ABCA3: variants seen among roughly 807,000 people sequenced by gnomAD.
ABCA3 encodes ATP binding cassette subfamily A member 3, also known as phospholipid-transporting ATPase ABCA3.
ABCA3 carries 88 observed loss-of-function variants against 172.8 expected under a neutral mutation model. The observed-to-expected ratio is 0.51, with a 90% CI of 0.43 to 0.61. The LOEUF (loss-of-function observed/expected upper bound fraction) is 0.61, where lower values mean the gene tolerates loss of function less well. Among genes scored for constraint, ABCA3 ranks in the 20% least tolerant of loss-of-function variants. The probability of loss-of-function intolerance (pLI) is 0.00; values close to 1 mark genes in which losing one functional copy is unlikely to be tolerated. For synonymous variants in ABCA3, 1,066 were observed against 983.8 expected, an observed-to-expected ratio of 1.08 and a Z score of -1.56; for missense variants, 2,164 against 2,301.0, an observed-to-expected ratio of 0.94 and a Z score of 1.22.
rs1356016910 is a variant in ABCA3 at position 2,327,877 on chromosome 16, C to T, written c.-27+576G>A. On this transcript the variant is annotated intron_variant, in intron 3 of 32. Transcript: ENST00000301732. ...CTGGGATTACAGGCGCCTGCCACCACGCCTGACTCATTTTTATATTTTTAG... is the reference window on the plus strand; with the variant it reads ...CTGGGATTACAGGCGCCTGCCACCATGCCTGACTCATTTTTATATTTTTAG... Among the ~76,000 whole-genome samples the T allele has an allele frequency of 5.3e-5, 8 of 152,108 alleles. No homozygotes were observed. The South Asian group carries it at 8.3e-4, about 16-fold the overall frequency.
At chr16:2,313,486 G>T (rs2093709749) in intron 10 of ABCA3, among the ~76,000 whole-genome samples, 1 of 143,492 alleles carries the variant, frequency 7.0e-6, no homozygotes, top group Non-Finnish European at 1.5e-5. Context: ...CCAGGCAGCA[G>T]AGTTTGCAGT....
intron 10 of ABCA3, among the ~76,000 whole-genome samples, chr16:2,312,224 A>C (rs890486187): frequency 3.9e-5 from 6 of 152,172 alleles, no homozygotes; most frequent in Non-Finnish European, 7.3e-5. Flanking sequence ...GTTTTCCTTA[A>C]AAAGACAGGC....
At position 2,283,194 on chromosome 16, in the gene ABCA3, G is replaced by A. The variant is rs375124752; in HGVS notation, c.4027C>T (p.Arg1343Trp). The change falls in exon 26 of 33, where the codon CGG (arginine) becomes TGG (tryptophan). Residue 1343 changes from arginine (R) to tryptophan (W), a missense_variant. Physicochemically the swap from Arg to Trp is moderately radical, Grantham distance 101 (BLOSUM62 -3). Coordinates refer to ENST00000301732, the MANE Select transcript of ABCA3 (RefSeq NM_001089.3). This position sits in a 1 kb window ranked among gnomAD's most constrained non-coding sequence, Gnocchi z 5.4. The stretch of plus-strand genomic sequence containing the variant: ...CTCCCGGAGCCACTCACCAGTGTCC[G>A]CCTCCTCCGGAGGGCGCAGAGGATG... The part of the protein sequence containing the change: ...RGILCALRRR[R>W]TLTELYTRMP... The A allele has an allele frequency of 3.3e-5, 53 of 1,612,828 alleles. No homozygotes were observed. The highest frequency in any genetic ancestry group is 1.7e-4 in the Middle Eastern group (1 of 6,054).
intron 7 of ABCA3, among the ~76,000 whole-genome samples, chr16:2,321,883 T>C (rs888682917): frequency 1.3e-5 from 2 of 152,054 alleles, no homozygotes; most frequent in Admixed American, 6.6e-5. Context: ...CCAAGCCCCA[T>C]GAACTCAAAC....
intron 11 of ABCA3, among the ~76,000 whole-genome samples, chr16:2,307,436 T>G (rs960270194): frequency 3.3e-5 from 5 of 151,904 alleles, no homozygotes; most frequent in Admixed American, 2.6e-4. Flanking sequence ...ATGCCTGTGA[T>G]CCCAGGTACT....
At chr16:2,316,490 C>CA (rs71148128) in intron 10 of ABCA3, among the ~76,000 whole-genome samples, 717 of 28,810 alleles carry the variant, frequency 0.025, 230 homozygotes, top group Non-Finnish European at 0.037. Flanking sequence ...ACTAAAAATG[C>CA]AAAAAAAAAA....
intron 18 of ABCA3, among the ~76,000 whole-genome samples, chr16:2,293,537 A>C: frequency 6.9e-6 from 1 of 145,258 alleles, no homozygotes; most frequent in Admixed American, 6.8e-5. Context: ...ACACGTGGCT[A>C]AGTTTTTTTT....
chr16:2,334,661 T>C (rs369559471), intron 1 of ABCA3, among the ~76,000 whole-genome samples: 116 of 151,064 alleles, frequency 7.7e-4, no homozygotes, highest in African/African-American at 2.7e-3. Flanking sequence ...GGAGTACAGA[T>C]GCCCGCCACC....
chr16:2,305,587 G>A (rs537499708), intron 11 of ABCA3, among the ~76,000 whole-genome samples: 29 of 152,120 alleles, frequency 1.9e-4, no homozygotes, highest in African/African-American at 6.5e-4. Flanking sequence ...GAGCCACCGC[G>A]CCCCGCCAAT....
chr16:2,329,357 C>T (rs533649936), intron 2 of ABCA3, among the ~76,000 whole-genome samples: 10 of 152,240 alleles, frequency 6.6e-5, no homozygotes, highest in East Asian at 1.9e-4. Context: ...AAGAAGAGGC[C>T]GGTGCCTCCA....
In ABCA3 at chr16:2,323,965, C is replaced by T. The variant is rs151098593; in HGVS notation, c.448-277G>A. On this transcript the variant is annotated intron_variant, in intron 6 of 32. Transcript: ENST00000301732. ...CGAGTGTTCAGGATCCCTGGAGGGC[C>T]GCCAACCACAATGCTAGATGGACTT... 6.8e-4 allele frequency among the ~76,000 whole-genome samples: 103 copies of T among 152,282 alleles called. 1 individual carries two copies. The East Asian group carries it at 0.014, about 21-fold the overall frequency.
rs1176208580 is a variant in ABCA3, at chr16:2,278,273, A to G, written c.4718+15T>C. On this transcript the variant is annotated intron_variant, in intron 30 of 32. Coordinates refer to ENST00000301732, the MANE Select transcript of ABCA3 (RefSeq NM_001089.3). This position sits in a 1 kb window ranked among gnomAD's most constrained non-coding sequence, Gnocchi z 4.4. ...GGTGCTGAAACTTCCAGTAACCCAC[A>G]GACCCAGGCTCTACCTGTGGGAGGT... The G allele has an allele frequency of 6.2e-7, 1 of 1,606,168 alleles. No homozygotes were observed. Among genetic ancestry groups the G allele is most frequent in the East Asian group, 2.2e-5 (1 of 44,888 alleles).
intron 18 of ABCA3, among the ~76,000 whole-genome samples, chr16:2,294,030 G>A (rs1425034900): frequency 6.7e-6 from 1 of 149,426 alleles, no homozygotes; most frequent in Non-Finnish European, 1.5e-5. Flanking sequence ...TTGAGATGGA[G>A]TCTCCCTCTG....
chr16:2,280,206 C>G (rs2093652915), intron 28 of ABCA3, among the ~76,000 whole-genome samples: 1 of 152,250 alleles, frequency 6.6e-6, no homozygotes, highest in Admixed American at 6.5e-5. Context: ...ACGGTTTTCT[C>G]TCCCCTGCAT....
At position 2,287,125 on chromosome 16, in the gene ABCA3, G is replaced by A. The variant is rs2093664383; in HGVS notation, c.3005-158C>T. Among the ~76,000 whole-genome samples, 1 of 152,108 alleles carries A rather than the reference G, an allele frequency of 6.6e-6. No individual in the cohort carries two copies. Among genetic ancestry groups the A allele is most frequent in the Non-Finnish European group, 1.5e-5 (1 of 68,012 alleles). ...TTCTCCTAAGGAGAGTATAATTTCT[G>A]GCAAGGTTTTGTCATCATTCAGTAT... On this transcript the variant is annotated intron_variant, in intron 21 of 32. Coordinates refer to ENST00000301732, the MANE Select transcript of ABCA3 (RefSeq NM_001089.3). The surrounding 1 kb of genome is among the most constrained non-coding windows in gnomAD (Gnocchi z 4.1).
chr16:2,289,546 C>T lies in ABCA3; in HGVS notation c.2588G>A (p.Arg863Lys), dbSNP rs202213896. Residue 863 changes from arginine (R) to lysine (K), a missense_variant, in exon 20 of 33, where the codon AGG becomes AAG. Transcript: ENST00000301732. ...GTCCACAGCCCAGTCGCTGGCGCGC[C>T]TCTCGTGCTGGTACTGCAGGGCAGG... ...QLPALQYQHE[R>K]RASDWAVDSN... 75 of 1,569,588 alleles carry T rather than the reference C, an allele frequency of 4.8e-5. No homozygotes were observed. The highest frequency in any genetic ancestry group is 6.0e-5 in the Non-Finnish European group (70 of 1,157,902).
intron 11 of ABCA3, among the ~76,000 whole-genome samples, chr16:2,306,413 G>C: frequency 6.6e-6 from 1 of 152,192 alleles, no homozygotes; most frequent in Non-Finnish European, 1.5e-5. Context: ...ATATGTAAAA[G>C]CTAAAGTGTC....
At chr16:2,295,972 T>C (rs2093679135) in intron 17 of ABCA3, among the ~76,000 whole-genome samples, 1 of 152,156 alleles carries the variant, frequency 6.6e-6, no homozygotes, top group Non-Finnish European at 1.5e-5. Flanking sequence ...TGCTGAGCAC[T>C]GTCAGGGGCA....
At chr16:2,289,370 A>C in intron 20 of ABCA3, 64 bp downstream of exon 20, 1 of 1,531,666 alleles carries the variant, frequency 6.5e-7, no homozygotes, top group Non-Finnish European at 8.8e-7. Flanking sequence ...GCATGGGCTT[A>C]CATGAGGCGT....
Sources: gnomAD v4.1 joint callset for allele counts (sites outside exome capture counted in the v4.1 genomes callset) on GRCh38, gnomAD v4.1.1 for gene constraint, Gnocchi (gnomAD v3.1) non-coding constraint, MANE v1.5 for transcripts, NCBI Gene and HGNC (gene_info 2026-07-23, HGNC 2026-07-21) for gene names.